Variants in MAF observed in about 807,000 individuals in gnomAD.
The protein encoded by MAF is transcription factor Maf.
Under a neutral mutation model 22.0 loss-of-function variants are expected in MAF, and 10 were observed. The observed-to-expected ratio is 0.45, with a 90% CI of 0.28 to 0.77. The LOEUF is 0.77. MAF is among the 30% of genes least tolerant of loss of function. The pLI, the probability that MAF is intolerant of heterozygous loss-of-function variation, is 0.12. For missense variants in MAF, 544 were observed against 548.4 expected (o/e 0.99, Z 0.08); for synonymous variants, 337 against 255.8 (o/e 1.32, Z -3.03).
At chr16:79,438,537 T>G in the MAF span, among the ~76,000 whole-genome samples, 1 of 152,152 alleles carries the variant, frequency 6.6e-6, no homozygotes, top group Admixed American at 6.5e-5. Flanking sequence ...TTTGCGTCAG[T>G]GGCTCCTGCA....
the MAF span, among the ~76,000 whole-genome samples, chr16:79,510,192 A>T: frequency 6.6e-6 from 1 of 152,238 alleles, no homozygotes; most frequent in Non-Finnish European, 1.5e-5. Context: ...AGGCAAATAT[A>T]GTGCTTAGAA....
chr16:79,310,925 C>T, the MAF span, among the ~76,000 whole-genome samples: 1 of 152,146 alleles, frequency 6.6e-6, no homozygotes, highest in Non-Finnish European at 1.5e-5. Context: ...AGGTGCTGAG[C>T]GTGAGGGCTG....
the MAF span, among the ~76,000 whole-genome samples, chr16:79,471,037 C>T: frequency 6.6e-6 from 1 of 152,214 alleles, no homozygotes; most frequent in African/African-American, 2.4e-5. Flanking sequence ...CTAGTCTTCA[C>T]CATCATTCTT....
the MAF span, among the ~76,000 whole-genome samples, chr16:79,522,713 G>T: frequency 0.13 from 19,969 of 152,210 alleles, 1,576 homozygotes; most frequent in Non-Finnish European, 0.17. Flanking sequence ...TTAAATAAAA[G>T]AGGCTTCCTG....
chr16:79,581,792 A>G (rs895730426), downstream of MAF, among the ~76,000 whole-genome samples: 5 of 152,186 alleles, frequency 3.3e-5, no homozygotes, highest in South Asian at 2.1e-4. Flanking sequence ...AAGTTGTACA[A>G]TGCACCCCTG....
At chr16:79,496,795 C>G in the MAF span, among the ~76,000 whole-genome samples, 115,513 of 152,068 alleles carry the variant, frequency 0.76, 44,004 homozygotes, top group South Asian at 0.79. Flanking sequence ...ATCTAGTGTT[C>G]TTCAAATATG....
At chr16:79,212,445 T>A in the MAF span, 2 of 269,858 alleles carry the variant, frequency 7.4e-6, no homozygotes. Flanking sequence ...TCTTTAGAGA[T>A]TATAACAAAT....
chr16:79,543,782 G>A, the MAF span, among the ~76,000 whole-genome samples: 1 of 151,752 alleles, frequency 6.6e-6, no homozygotes. Flanking sequence ...CGCCTCCGGG[G>A]TTCACGGCAT....
At chr16:79,509,206 C>T in the MAF span, among the ~76,000 whole-genome samples, 1 of 152,172 alleles carries the variant, frequency 6.6e-6, no homozygotes, top group Admixed American at 6.5e-5. Flanking sequence ...AAACCCTTGG[C>T]ATTCTAAGCA....
chr16:79,209,800 A>G, the MAF span, among the ~76,000 whole-genome samples: 1 of 152,248 alleles, frequency 6.6e-6, no homozygotes, highest in Non-Finnish European at 1.5e-5. Flanking sequence ...GAAGAGCCAG[A>G]TAAACCCCTT....
At chr16:79,262,974 G>T in the MAF span, among the ~76,000 whole-genome samples, 1 of 152,142 alleles carries the variant, frequency 6.6e-6, no homozygotes, top group South Asian at 2.1e-4. Flanking sequence ...TTATCCCATA[G>T]CTCGTGTCAA....
chr16:79,466,011 G>A, the MAF span, among the ~76,000 whole-genome samples: 1 of 152,160 alleles, frequency 6.6e-6, no homozygotes. Context: ...TGAATAAAAG[G>A]ATGAATGAAT....
At chr16:79,230,476 A>C in the MAF span, among the ~76,000 whole-genome samples, 1 of 152,186 alleles carries the variant, frequency 6.6e-6, no homozygotes, top group African/African-American at 2.4e-5. Flanking sequence ...TCTTGAGCAA[A>C]TTAGGTAAGA....
chr16:79,315,970 C>A, the MAF span, among the ~76,000 whole-genome samples: 12,903 of 152,284 alleles, frequency 0.085, 683 homozygotes, highest in Middle Eastern at 0.14. Context: ...ATAGCACCTG[C>A]CATTCTGAAC....
the MAF span, among the ~76,000 whole-genome samples, chr16:79,403,847 A>G: frequency 0.029 from 4,359 of 152,252 alleles, 132 homozygotes; most frequent in African/African-American, 0.072. Flanking sequence ...TGAGGCTCAG[A>G]TGGATTTCAC....
At chr16:79,273,119 G>A in the MAF span, among the ~76,000 whole-genome samples, 7 of 152,220 alleles carry the variant, frequency 4.6e-5, no homozygotes, top group Admixed American at 2.0e-4. Context: ...TTTTGCTGGG[G>A]CCCTAAGATA....
At chr16:79,336,375 T>C in the MAF span, among the ~76,000 whole-genome samples, 8 of 151,898 alleles carry the variant, frequency 5.3e-5, no homozygotes, top group East Asian at 1.9e-4. Context: ...CAAGGTCACA[T>C]AGCCAGTAAA....
the MAF span, among the ~76,000 whole-genome samples, chr16:79,415,856 C>CCT: frequency 3.3e-5 from 5 of 151,976 alleles, no homozygotes; most frequent in African/African-American, 1.2e-4. Flanking sequence ...GTCACAAACC[C>CCT]CTTGACAAAT....
At chr16:79,242,853 T>A in the MAF span, among the ~76,000 whole-genome samples, 6 of 152,070 alleles carry the variant, frequency 3.9e-5, no homozygotes, top group Non-Finnish European at 7.4e-5. Context: ...TAACAGTCTC[T>A]CAGACTACAG....
Sources: allele counts gnomAD v4.1 joint callset (sites outside exome capture counted in the v4.1 genomes callset), GRCh38; gene constraint gnomAD v4.1.1; transcripts MANE v1.5; gene names NCBI Gene and HGNC (gene_info 2026-07-23, HGNC 2026-07-21).